MALRD1: variants seen among roughly 807,000 people sequenced by gnomAD.
MALRD1 encodes MAM and LDL-receptor class A domain-containing protein 1.
Under a neutral mutation model 242.1 loss-of-function variants are expected in MALRD1, and 247 were observed. The observed-to-expected ratio is 1.02, with a 90% confidence interval of 0.92 to 1.13. The LOEUF (loss-of-function observed/expected upper bound fraction) is 1.13. Ranked by LOEUF, MALRD1 falls within the 50% of genes most tolerant of loss-of-function variation. The pLI is 0.00. For missense variants in MALRD1, 2,989 were observed against 2,533.1 expected, an observed-to-expected ratio of 1.18 and a Z score of -3.86; for synonymous variants, 995 against 866.6, an observed-to-expected ratio of 1.15 and a Z score of -2.60.
chr10:19,621,351 T>TAAAAAAAAAAAAAAAAAAAAAA (rs56041015), intron 36 of MALRD1, among the ~76,000 whole-genome samples: 2 of 121,874 alleles, frequency 1.6e-5, no homozygotes, highest in Non-Finnish European at 3.3e-5. Context: ...TAAAAATATG[T>TAAAAAAAAAAAAAAAAAAAAAA]AAAAAAAAAA....
intron 21 of MALRD1, among the ~76,000 whole-genome samples, chr10:19,315,854 TATA>T (rs932047383): frequency 5.4e-5 from 8 of 146,952 alleles, no homozygotes; most frequent in African/African-American, 2.0e-4. Context: ...TTTTATTATT[TATA>T]ATGTTTACTT....
intron 31 of MALRD1, among the ~76,000 whole-genome samples, chr10:19,506,269 C>T (rs570163322): frequency 2.6e-5 from 4 of 152,298 alleles, no homozygotes; most frequent in Admixed American, 2.6e-4. Flanking sequence ...AATCACCACA[C>T]ATTTGAAGAC....
intron 33 of MALRD1, among the ~76,000 whole-genome samples, chr10:19,568,017 A>G (rs1277069270): frequency 6.6e-6 from 1 of 152,170 alleles, no homozygotes; most frequent in Non-Finnish European, 1.5e-5. Flanking sequence ...TGCACAAGGC[A>G]AAGGCCCCTG....
At chr10:19,644,920 A>G (rs889422346) in intron 36 of MALRD1, among the ~76,000 whole-genome samples, 3 of 152,186 alleles carry the variant, frequency 2.0e-5, no homozygotes, top group African/African-American at 7.2e-5. Flanking sequence ...TCATAAATCT[A>G]TTGTCCATGT....
intron 18 of MALRD1, among the ~76,000 whole-genome samples, chr10:19,230,164 G>A (rs1257682931): frequency 6.6e-6 from 1 of 152,148 alleles, no homozygotes; most frequent in African/African-American, 2.4e-5. Flanking sequence ...GTGGAACTGT[G>A]AATTCATTAA....
chr10:19,694,632 A>C (rs4536109), intron 38 of MALRD1, among the ~76,000 whole-genome samples: 128,425 of 152,180 alleles, frequency 0.84, 54,741 homozygotes, highest in Non-Finnish European at 0.9. Flanking sequence ...GTGGGACTGT[A>C]AACTAGTTCA....
chr10:19,463,428 G>A (rs4748582), intron 29 of MALRD1, among the ~76,000 whole-genome samples: 2 of 151,596 alleles, frequency 1.3e-5, no homozygotes, highest in African/African-American at 4.9e-5. Context: ...TCCCACTTAC[G>A]AGTAAGAGCA....
At chr10:19,698,576 C>G (rs1833478519) in intron 38 of MALRD1, among the ~76,000 whole-genome samples, 1 of 152,058 alleles carries the variant, frequency 6.6e-6, no homozygotes, top group Non-Finnish European at 1.5e-5. Flanking sequence ...TTTCCTCTTT[C>G]CTGGGAGAAG....
chr10:19,703,131 A>G lies in MALRD1; in HGVS notation c.6314+10577A>G, dbSNP rs1004517960. ...CAACTCAAGATGATTTGATCAAAAT[A>G]AAGAATTTAGGGTAAAGACACAGGA... is the stretch of plus-strand genomic sequence containing the variant. On this transcript the variant is annotated intron_variant, in intron 38 of 39. Coordinates refer to ENST00000454679, the MANE Select transcript of MALRD1 (RefSeq NM_001142308.3). Among the ~76,000 whole-genome samples, 17 of 152,232 alleles carry G rather than the reference A, an allele frequency of 1.1e-4. 1 individual carries two copies. Among genetic ancestry groups the G allele is most frequent in the Admixed American group, 2.6e-4 (4 of 15,282 alleles).
At chr10:19,231,693 C>T (rs1378945964) in intron 18 of MALRD1, among the ~76,000 whole-genome samples, 1 of 152,084 alleles carries the variant, frequency 6.6e-6, no homozygotes, top group African/African-American at 2.4e-5. Flanking sequence ...TGAGGCCTCC[C>T]CAGCCATGTG....
chr10:19,215,924 A>G (rs1240054657), intron 18 of MALRD1, among the ~76,000 whole-genome samples: 4 of 151,372 alleles, frequency 2.6e-5, no homozygotes, highest in Non-Finnish European at 4.4e-5. Context: ...CATAATATAC[A>G]TTTTCCATGA....
At chr10:19,594,042 G>C (rs1040739930) in intron 33 of MALRD1, among the ~76,000 whole-genome samples, 1 of 152,074 alleles carries the variant, frequency 6.6e-6, no homozygotes, top group Non-Finnish European at 1.5e-5. Context: ...CCCTGGCCAG[G>C]GTCTCAAGAG....
At chr10:19,154,461 A>G (rs1834057747) in intron 11 of MALRD1, among the ~76,000 whole-genome samples, 1 of 152,156 alleles carries the variant, frequency 6.6e-6, no homozygotes, top group Non-Finnish European at 1.5e-5. Context: ...TTCAATATTC[A>G]GTGAAACTAC....
chr10:19,071,332 A>C (rs1835141447), intron 2 of MALRD1, among the ~76,000 whole-genome samples: 1 of 149,842 alleles, frequency 6.7e-6, no homozygotes. Flanking sequence ...TCTTCTTTAT[A>C]GAATTTCTTT....
chr10:19,412,976 G>T (rs1833337911), intron 28 of MALRD1, among the ~76,000 whole-genome samples: 1 of 151,946 alleles, frequency 6.6e-6, no homozygotes, highest in Non-Finnish European at 1.5e-5. Flanking sequence ...CCTATATGAT[G>T]TATTTTATAA....
chr10:19,499,929 G>A (rs1837894857), intron 31 of MALRD1, among the ~76,000 whole-genome samples: 1 of 152,106 alleles, frequency 6.6e-6, no homozygotes, highest in Non-Finnish European at 1.5e-5. Flanking sequence ...ATTTGCGTAT[G>A]TCGAACCAAC....
chr10:19,256,037 C>T (rs1020259692), intron 18 of MALRD1, among the ~76,000 whole-genome samples: 3 of 152,072 alleles, frequency 2.0e-5, no homozygotes, highest in Non-Finnish European at 4.4e-5. Flanking sequence ...AAGCTGGTTT[C>T]CAGCTACTTA....
chr10:19,454,713 TACACACACACAC>T (rs35489123), intron 29 of MALRD1, among the ~76,000 whole-genome samples: 7 of 132,410 alleles, frequency 5.3e-5, no homozygotes, highest in African/African-American at 1.0e-4. Context: ...CGTGCACACG[TACACACACACAC>T]ACACACACAC....
Position 19,607,777 on chromosome 10 carries a change from C to A in MALRD1, c.5945C>A (p.Ser1982Tyr). Residue 1982 changes from serine to tyrosine, a missense_variant and splice_region_variant, in exon 35 of 40, where the codon TCC becomes TAC. Coordinates refer to ENST00000454679, the MANE Select transcript of MALRD1 (RefSeq NM_001142308.3). The stretch of plus-strand genomic sequence containing the variant: ...GATCATTATTCTTTTTTTTTTGCAG[C>A]CAACAAAAGCTGTTCTAATGGAGCT... ...CHFNEDELIC[S>Y]NKSCSNGALV... 1 of 1,538,744 alleles carries A rather than the reference C, an allele frequency of 6.5e-7. No homozygotes were observed.
Sources: gnomAD v4.1 joint callset for allele counts (sites outside exome capture counted in the v4.1 genomes callset) on GRCh38, gnomAD v4.1.1 for gene constraint, MANE v1.5 for transcripts, NCBI Gene and HGNC (gene_info 2026-07-23, HGNC 2026-07-21) for gene names.